The following IRGM variants were observed in gnomAD, a reference collection of about 807,000 sequenced individuals.
The protein encoded by IRGM is immunity-related GTPase family M protein.
For synonymous variants in IRGM, 98 were observed against 80.6 expected (o/e 1.22, Z -1.16); for missense variants, 288 against 219.9 (o/e 1.31, Z -1.96).
At chr5:150,886,288 G>C (rs1754521035) in intron 3 of IRGM, among the ~76,000 whole-genome samples, 1 of 152,056 alleles carries the variant, frequency 6.6e-6, no homozygotes, top group African/African-American at 2.4e-5. Flanking sequence ...TTGATGTGCT[G>C]CTGGATTTGG....
At chr5:150,875,168 C>T (rs1754346097) in intron 1 of IRGM, among the ~76,000 whole-genome samples, 1 of 152,168 alleles carries the variant, frequency 6.6e-6, no homozygotes, top group South Asian at 2.1e-4. Flanking sequence ...TCTTTATGAT[C>T]AGTTGACAGA....
At chr5:150,877,722 C>A (rs1011243247) in intron 1 of IRGM, among the ~76,000 whole-genome samples, 1 of 152,134 alleles carries the variant, frequency 6.6e-6, no homozygotes, top group African/African-American at 2.4e-5. Flanking sequence ...GGTTGGGTAC[C>A]ATGCTTGCTA....
chr5:150,847,151 T>A lies in IRGM; in HGVS notation c.-485T>A, dbSNP rs1049466956. ...TAATGGAAGCTCGGGGGTCAAAGGC[T>A]GGTGGCTTACTTCACGTATATTGCA... is the stretch of plus-strand genomic sequence containing the variant. On this transcript the variant is annotated 5_prime_UTR_variant, in exon 1 of 2. Transcript: ENST00000522154. 6.6e-6 allele frequency: 1 copy of A among 152,382 alleles called. No homozygotes were observed. Among genetic ancestry groups the A allele is most frequent in the Non-Finnish European group, 1.5e-5 (1 of 68,086 alleles). The allele number at this position is 152,382 out of a possible 1,614,324, so 9.4% of individuals were successfully genotyped here. A position where few individuals can be genotyped will look rare whatever the true frequency, so the allele number is the denominator to read the frequency against.
At chr5:150,889,602 C>T (rs1754577310) in intron 3 of IRGM, among the ~76,000 whole-genome samples, 1 of 151,840 alleles carries the variant, frequency 6.6e-6, no homozygotes, top group African/African-American at 2.4e-5. Context: ...ATTGTACTGC[C>T]TTGGACCTCC....
At chr5:150,857,232 T>C (rs560363720) in intron 1 of IRGM, among the ~76,000 whole-genome samples, 1 of 152,322 alleles carries the variant, frequency 6.6e-6, no homozygotes, top group East Asian at 1.9e-4. Context: ...GTTTCCAGTT[T>C]CATCCATGTC....
chr5:150,850,756 A>G (rs963648116), downstream of IRGM, among the ~76,000 whole-genome samples: 1 of 152,096 alleles, frequency 6.6e-6, no homozygotes, highest in African/African-American at 2.4e-5. Flanking sequence ...AGGTCTCACT[A>G]TGTTGCCAGA....
intron 1 of IRGM, among the ~76,000 whole-genome samples, chr5:150,869,219 T>G (rs1754247843): frequency 6.6e-6 from 1 of 152,124 alleles, no homozygotes; most frequent in African/African-American, 2.4e-5. Flanking sequence ...GTCAAATGTT[T>G]TTTCTCTGTT....
At chr5:150,889,083 C>T (rs1469422314) in intron 3 of IRGM, among the ~76,000 whole-genome samples, 3 of 151,338 alleles carry the variant, frequency 2.0e-5, no homozygotes, top group Non-Finnish European at 3.0e-5. Flanking sequence ...TGTCTATTGA[C>T]CTTGTATCCT....
chr5:150,882,645 G>C (rs144712100), intron 3 of IRGM, among the ~76,000 whole-genome samples: 1,883 of 152,104 alleles, frequency 0.012, 50 homozygotes, highest in African/African-American at 0.044. Flanking sequence ...TAACCATCAG[G>C]GAATCAATTC....
At chr5:150,857,063 T>C (rs1016283582) in intron 1 of IRGM, among the ~76,000 whole-genome samples, 5 of 151,980 alleles carry the variant, frequency 3.3e-5, no homozygotes, top group Admixed American at 6.6e-5. Flanking sequence ...GTATATCTCC[T>C]AATGCTATCC....
At chr5:150,900,350 T>C (rs879732562) in intron 3 of IRGM, among the ~76,000 whole-genome samples, 1 of 152,080 alleles carries the variant, frequency 6.6e-6, no homozygotes, top group Non-Finnish European at 1.5e-5. Context: ...CTGCCCTTTC[T>C]ACTTTTACAA....
intron 3 of IRGM, among the ~76,000 whole-genome samples, chr5:150,898,977 C>A (rs968625869): frequency 6.6e-6 from 1 of 151,994 alleles, no homozygotes; most frequent in Non-Finnish European, 1.5e-5. Flanking sequence ...TATACCTAGC[C>A]ATATGAGGTA....
Position 150,889,434 on chromosome 5 carries a change from A to G in IRGM, c.*140+9788A>G, listed in dbSNP as rs548877266. Among the ~76,000 whole-genome samples the G allele has an allele frequency of 7.8e-4, 119 of 152,106 alleles. 1 individual carries two copies. Among genetic ancestry groups the G allele is most frequent in the African/African-American group, 2.7e-3 (114 of 41,506 alleles). Reference sequence around the variant, plus strand: ...AATGACCTGCTCCCATAATTCAATTACCTCTCACCAGGTCCCTCCCACAAC... The same window carrying G: ...AATGACCTGCTCCCATAATTCAATTGCCTCTCACCAGGTCCCTCCCACAAC... On this transcript the variant is annotated intron_variant and NMD_transcript_variant, in intron 3 of 3. Transcript: ENST00000520549.
chr5:150,879,663 T>C (rs1034169958), intron 3 of IRGM: 6 of 152,134 alleles, frequency 3.9e-5, no homozygotes, highest in Admixed American at 2.0e-4. Flanking sequence ...ATTTAGAAAC[T>C]TTCTACAGTG....
chr5:150,859,877 G>A (rs1194902962), intron 1 of IRGM, among the ~76,000 whole-genome samples: 6 of 151,876 alleles, frequency 4.0e-5, no homozygotes, highest in Non-Finnish European at 5.9e-5. Context: ...TCAAAAAAAT[G>A]GATCCATCCA....
intron 3 of IRGM, among the ~76,000 whole-genome samples, chr5:150,889,669 A>T (rs1289354616): frequency 6.6e-6 from 1 of 151,962 alleles, no homozygotes; most frequent in East Asian, 1.9e-4. Context: ...TCTTTATTTT[A>T]AAAAAACACT....
intron 1 of IRGM, among the ~76,000 whole-genome samples, chr5:150,863,644 ACATTCT>A: frequency 6.6e-6 from 1 of 152,300 alleles, no homozygotes; most frequent in East Asian, 1.9e-4. Context: ...ATTTACAAAG[ACATTCT>A]CATTCATATT....
Position 150,848,481 on chromosome 5 carries a change from T to C in IRGM, c.358T>C (p.Ser120Pro). Reference protein sequence around the residue: ...FNRYDFIMVASAQFSMNHVML... With the variant: ...FNRYDFIMVAPAQFSMNHVML... The stretch of plus-strand genomic sequence containing the variant: ...CCGGTATGACTTCATCATGGTTGCA[T>C]CTGCACAATTCAGCATGAATCATGT... The change falls in exon 2 of 2, where the codon TCT (serine) becomes CCT (proline). Residue 120 changes from serine (S) to proline (P), a missense_variant. Physicochemically the swap from Ser to Pro is moderately conservative, Grantham distance 74. Coordinates refer to ENST00000522154, the MANE Select transcript of IRGM (RefSeq NM_001145805.2). 6.4e-7 allele frequency: 1 copy of C among 1,551,848 alleles called. No individual in the cohort carries two copies. The highest frequency in any genetic ancestry group is 8.7e-7 in the Non-Finnish European group (1 of 1,146,988).
At chr5:150,881,721 A>G (rs546801020) in intron 3 of IRGM, among the ~76,000 whole-genome samples, 1 of 152,310 alleles carries the variant, frequency 6.6e-6, no homozygotes, top group Admixed American at 6.5e-5. Flanking sequence ...GTAAACAGCA[A>G]TATCAACAAC....
Sources: allele counts gnomAD v4.1 joint callset (sites outside exome capture counted in the v4.1 genomes callset), GRCh38; gene constraint gnomAD v4.1.1; transcripts MANE v1.5; gene names NCBI Gene and HGNC (gene_info 2026-07-23, HGNC 2026-07-21).